The following POU2F1 variants were observed in gnomAD, a reference collection of about 807,000 sequenced individuals.
POU2F1 encodes POU domain, class 2, transcription factor 1.
A neutral mutation model predicts 84.9 loss-of-function variants in POU2F1; 16 were observed. The ratio of observed to expected loss-of-function variants is 0.19; its 90% CI spans 0.13 to 0.29. POU2F1 has a LOEUF of 0.29. Ranked by LOEUF, POU2F1 falls within the 10% of genes least tolerant of loss-of-function variation. The pLI is 1.00. For synonymous variants in POU2F1, 368 were observed against 368.3 expected (o/e 1.00, Z 0.01); for missense variants, 738 against 942.6 (o/e 0.78, Z 2.84).
At chr1:167,386,116 C>T (rs950922113) in intron 8 of POU2F1, among the ~76,000 whole-genome samples, 3 of 152,006 alleles carry the variant, frequency 2.0e-5, no homozygotes, top group Non-Finnish European at 4.4e-5. Flanking sequence ...GAAGGTAAAG[C>T]GACTAGAGTT....
intron 8 of POU2F1, among the ~76,000 whole-genome samples, chr1:167,388,691 C>G (rs1163918948): frequency 6.6e-6 from 1 of 152,152 alleles, no homozygotes; most frequent in Non-Finnish European, 1.5e-5. Flanking sequence ...TATATCCAGA[C>G]AACTATTTAA....
At chr1:167,291,044 G>GAAAA (rs56798282) in intron 1 of POU2F1, among the ~76,000 whole-genome samples, 2 of 117,372 alleles carry the variant, frequency 1.7e-5, no homozygotes, top group Non-Finnish European at 1.8e-5. Context: ...GACCCTGTCA[G>GAAAA]AAAAAAAAAA....
intron 1 of POU2F1, among the ~76,000 whole-genome samples, chr1:167,251,786 G>A (rs994135925): frequency 6.6e-6 from 1 of 151,412 alleles, no homozygotes; most frequent in South Asian, 2.1e-4. Flanking sequence ...ACATATTACA[G>A]GTTTCATAAT....
At chr1:167,381,921 T>C (rs1471233651) in intron 7 of POU2F1, among the ~76,000 whole-genome samples, 1 of 152,126 alleles carries the variant, frequency 6.6e-6, no homozygotes, top group Non-Finnish European at 1.5e-5. Context: ...TCTCTTTTTT[T>C]ATTATTGTTT....
intron 1 of POU2F1, among the ~76,000 whole-genome samples, chr1:167,314,703 G>T (rs533713913): frequency 1.3e-5 from 2 of 152,280 alleles, no homozygotes. Flanking sequence ...GAGCTCAGGA[G>T]GTTGAGGCTG....
At position 167,411,957 on chromosome 1, in the gene POU2F1, A is replaced by G; in HGVS notation, c.1556-2A>G. On this transcript the variant is annotated splice_acceptor_variant, in intron 13 of 15. Coordinates refer to ENST00000367866, the MANE Select transcript of POU2F1 (RefSeq NM_002697.4). LOFTEE classifies it high-confidence loss of function. ...CATCTTCTAATCTGTTTGTCTTTTCAGGCACTTCAGACACCACCTCCAACA... is the reference window on the plus strand; with the variant it reads ...CATCTTCTAATCTGTTTGTCTTTTCGGGCACTTCAGACACCACCTCCAACA... 1 of 1,606,430 alleles carries G rather than the reference A, an allele frequency of 6.2e-7. No homozygotes were observed. The highest frequency in any genetic ancestry group is 8.5e-7 in the Non-Finnish European group (1 of 1,174,860).
Position 167,415,494 on chromosome 1 carries a change from C to CT in POU2F1, c.1991-5dup. The CT allele has an allele frequency of 1.2e-6, 2 of 1,613,034 alleles. No homozygotes were observed. Among genetic ancestry groups the CT allele is most frequent in the Non-Finnish European group, 8.5e-7 (1 of 1,179,382 alleles). On this transcript the variant is annotated splice_polypyrimidine_tract_variant and splice_region_variant and intron_variant, in intron 15 of 15. Transcript: ENST00000367866. ...CCTGCCTGTTTTGGGGGGTTTTTGT[C>CT]TGTAGCTCTTGCTTCTGGTGGCTCT...
chr1:167,271,631 G>C (rs957623894), intron 1 of POU2F1, among the ~76,000 whole-genome samples: 3 of 152,180 alleles, frequency 2.0e-5, no homozygotes, highest in Non-Finnish European at 4.4e-5. Flanking sequence ...CTGGGGAGAG[G>C]GATGTGTAAG....
chr1:167,240,862 G>T (rs943762478), intron 1 of POU2F1, among the ~76,000 whole-genome samples: 1 of 152,142 alleles, frequency 6.6e-6, no homozygotes, highest in Non-Finnish European at 1.5e-5. Context: ...ATCTGAAAAG[G>T]CCGGGCGCGG....
At chr1:167,351,486 T>C (rs1239735176) in intron 2 of POU2F1, among the ~76,000 whole-genome samples, 2 of 118,398 alleles carry the variant, frequency 1.7e-5, no homozygotes, top group Non-Finnish European at 3.2e-5. Context: ...GCCACTGCAC[T>C]CCAGCCTGGT....
chr1:167,313,738 G>T (rs908576370), intron 1 of POU2F1, among the ~76,000 whole-genome samples: 1 of 152,102 alleles, frequency 6.6e-6, no homozygotes, highest in Non-Finnish European at 1.5e-5. Context: ...TTGATGAATT[G>T]GCTTATCAAA....
At chr1:167,253,509 T>G (rs1571171275) in intron 1 of POU2F1, among the ~76,000 whole-genome samples, 1 of 152,064 alleles carries the variant, frequency 6.6e-6, no homozygotes, top group East Asian at 1.9e-4. Context: ...CACTGCAACC[T>G]GTGCCTCTCA....
intron 2 of POU2F1, 123 bp from the exon 3 acceptor site, chr1:167,365,344 C>T: frequency 1.7e-6 from 1 of 599,216 alleles, no homozygotes; most frequent in Non-Finnish European, 2.8e-6. Flanking sequence ...ATCCCTTCTC[C>T]TTGGAGGTAC....
intron 8 of POU2F1, among the ~76,000 whole-genome samples, chr1:167,385,642 T>C (rs1276075486): frequency 6.6e-6 from 1 of 152,200 alleles, no homozygotes; most frequent in Admixed American, 6.5e-5. Context: ...TCACACCATG[T>C]ACAAAGATTT....
chr1:167,416,111 C>G lies in POU2F1; in HGVS notation c.*301C>G, dbSNP rs200559349. On this transcript the variant is annotated 3_prime_UTR_variant, in exon 16 of 16. Coordinates refer to ENST00000367866, the MANE Select transcript of POU2F1 (RefSeq NM_002697.4). ...TTAAAAAAAAAAAAAAAAAAAGAAA[C>G]AAAAAAATCAAAAACAAACAAAAAT... 5 of 401,950 alleles carry G rather than the reference C, an allele frequency of 1.2e-5. No homozygotes were observed. The highest frequency in any genetic ancestry group is 5.7e-5 in the South Asian group (2 of 35,194). The allele number at this position is 401,950 out of a possible 1,614,324, so 24.9% of individuals were successfully genotyped here.
chr1:167,258,107 G>A (rs1326528928), intron 1 of POU2F1, among the ~76,000 whole-genome samples: 2 of 152,094 alleles, frequency 1.3e-5, no homozygotes, highest in African/African-American at 2.4e-5. Context: ...GTGTGTCACC[G>A]CTGAGATGTA....
At chr1:167,374,058 G>A in intron 5 of POU2F1, 50 bp from the exon 6 acceptor site, 2 of 1,587,016 alleles carry the variant, frequency 1.3e-6, no homozygotes, top group Non-Finnish European at 1.7e-6. Context: ...CTTGCATTAG[G>A]AGACTTTCTC....
intron 1 of POU2F1, among the ~76,000 whole-genome samples, chr1:167,312,329 G>A (rs372348728): frequency 1.7e-3 from 255 of 150,788 alleles, no homozygotes; most frequent in African/African-American, 6.0e-3. Context: ...CCACCTCCCG[G>A]TCTCCTGCCT....
chr1:167,295,512 A>G (rs1387939083), intron 1 of POU2F1, among the ~76,000 whole-genome samples: 2 of 152,224 alleles, frequency 1.3e-5, no homozygotes, highest in Non-Finnish European at 2.9e-5. Context: ...TATAATAGAC[A>G]TAGGAGACAG....
Sources: gnomAD v4.1 joint callset for allele counts (sites outside exome capture counted in the v4.1 genomes callset) on GRCh38, gnomAD v4.1.1 for gene constraint, MANE v1.5 for transcripts, NCBI Gene and HGNC (gene_info 2026-07-23, HGNC 2026-07-21) for gene names.